The following TSPOAP1 variants were observed in gnomAD, a reference collection of about 807,000 sequenced individuals.
TSPOAP1 encodes the protein peripheral-type benzodiazepine receptor-associated protein 1.
A neutral mutation model predicts 197.0 loss-of-function variants in TSPOAP1; 87 were observed. That is an observed-to-expected ratio of 0.44 (90% confidence interval 0.37 to 0.53). The LOEUF (loss-of-function observed/expected upper bound fraction) is 0.53, where lower values mean the gene tolerates loss of function less well. Ranked by LOEUF, TSPOAP1 falls within the 20% of genes least tolerant of loss-of-function variation. TSPOAP1 has a pLI of 0.00. For missense variants in TSPOAP1, 2,174 were observed against 2,411.3 expected, an observed-to-expected ratio of 0.90 and a Z score of 2.06; for synonymous variants, 913 against 998.9, an observed-to-expected ratio of 0.91 and a Z score of 1.62.
chr17:58,317,652 T>C (rs1315216977), intron 14 of TSPOAP1, among the ~76,000 whole-genome samples: 1 of 152,184 alleles, frequency 6.6e-6, no homozygotes, highest in Non-Finnish European at 1.5e-5. Context: ...CTCCTCCACC[T>C]TCTGGGGTTT....
Position 58,305,452 on chromosome 17 carries a change from G to C in TSPOAP1, c.5368C>G (p.Leu1790Val), listed in dbSNP as rs1567837724. 6.2e-7 allele frequency: 1 copy of C among 1,613,976 alleles called. No individual in the cohort carries two copies. The highest frequency in any genetic ancestry group is 8.5e-7 in the Non-Finnish European group (1 of 1,179,922). Residue 1790 changes from leucine (L) to valine (V), a missense_variant, in exon 29 of 32, where the codon CTG (leucine) becomes GTG (valine). Coordinates refer to ENST00000343736, the MANE Select transcript of TSPOAP1 (RefSeq NM_004758.4). ...SSPNMDVEAELPFRAGDVITV... is the reference protein window; with the variant it reads ...SSPNMDVEAEVPFRAGDVITV... The stretch of plus-strand genomic sequence containing the variant: ...ATGACATCCCCTGCCCGGAAGGGCA[G>C]CTCTGCCTGTGGAAAACAAGAGGAG...
Position 58,310,678 on chromosome 17 carries a change from T to A in TSPOAP1, c.3533A>T (p.Asp1178Val), listed in dbSNP as rs1397002120. The change falls in exon 20 of 32, where the codon GAC becomes GTC. Residue 1178 changes from aspartate (D) to valine (V), a missense_variant. Around this residue, in one of 5 missense-constraint regions of TSPOAP1, gnomAD observed 1,933 missense variants for 2,139.0 expected, o/e 0.90. Transcript: ENST00000343736. Reference sequence around the variant, plus strand: ...CAGTGAGGGAGCTGCGGGGCCAGGGTCCTTCTCACCCAGGGTAGATGTGCT... The same window carrying A: ...CAGTGAGGGAGCTGCGGGGCCAGGGACCTTCTCACCCAGGGTAGATGTGCT... ...TASTSTLGEK[D>V]PGPAAPSLAK... is the part of the protein sequence containing the mutation. The A allele has an allele frequency of 3.7e-6, 6 of 1,612,738 alleles. No homozygotes were observed. Among genetic ancestry groups the A allele is most frequent in the Non-Finnish European group, 5.1e-6 (6 of 1,179,882 alleles).
chr17:58,310,409 G>C (rs889808438), intron 20 of TSPOAP1, 103 bp downstream of exon 20: 4 of 1,520,644 alleles, frequency 2.6e-6, no homozygotes, highest in African/African-American at 1.4e-5. Context: ...AGCAGGACCA[G>C]AGCAGAGGAC....
Position 58,308,983 on chromosome 17 carries a change from C to A in TSPOAP1, c.4289G>T (p.Arg1430Leu), listed in dbSNP as rs1475598520. The A allele has an allele frequency of 6.2e-7, 1 of 1,611,346 alleles. No homozygotes were observed. Among genetic ancestry groups the A allele is most frequent in the South Asian group, 1.1e-5 (1 of 90,974 alleles). Residue 1430 changes from arginine to leucine, a missense_variant, in exon 22 of 32, where the codon CGA becomes CTA. Arg to Leu is a moderately radical substitution (Grantham distance 102). This residue lies in a region of TSPOAP1 where 1,933 missense variants were observed against 2,139.0 expected (regional missense o/e 0.90). Coordinates refer to ENST00000343736, the MANE Select transcript of TSPOAP1 (RefSeq NM_004758.4). ...RPPDPREHCS[R>L]LLSNNGPQAS... Reference sequence around the variant, plus strand: ...CTGGGGCCCATTGTTGCTGAGAAGTCGGCTGCAGTGTTCTCGGGGATCTGG... The same window carrying A: ...CTGGGGCCCATTGTTGCTGAGAAGTAGGCTGCAGTGTTCTCGGGGATCTGG...
rs1421641224 is a variant in TSPOAP1, at chr17:58,322,193, C to T, written c.1422+115G>A. On this transcript the variant is annotated intron_variant, in intron 10 of 31. Coordinates refer to ENST00000343736, the MANE Select transcript of TSPOAP1 (RefSeq NM_004758.4). This position sits in a 1 kb window ranked among gnomAD's most constrained non-coding sequence, Gnocchi z 5.0. The stretch of plus-strand genomic sequence containing the variant: ...TGCTCAGGGACCTGGTCTTTGTTCC[C>T]CACAGTCTCCCCGACGCCTAGCACA... The T allele has an allele frequency of 8.4e-6, 9 of 1,068,246 alleles. No individual in the cohort carries two copies. Among genetic ancestry groups the T allele is most frequent in the Non-Finnish European group, 1.4e-6 (1 of 734,332 alleles). 66.2% of individuals were successfully genotyped at this position (1,068,246 alleles called of 1,614,324 possible).
Position 58,327,887 on chromosome 17 carries a change from C to T in TSPOAP1, c.34G>A (p.Asp12Asn), listed in dbSNP as rs771893761. 7 of 1,605,648 alleles carry T rather than the reference C, an allele frequency of 4.4e-6. No individual in the cohort carries two copies. The highest frequency in any genetic ancestry group is 6.0e-6 in the Non-Finnish European group (7 of 1,173,682). ...EQLTTLPRPG[D>N]PGAMEPWALP... ...GCCCATGGCTCCATGGCTCCAGGGT[C>T]CCCAGGCCGTGGGAGGGTTGTCAGT... is the stretch of plus-strand genomic sequence containing the variant. The change falls in exon 1 of 32, where the codon GAC (aspartate) becomes AAC (asparagine). Residue 12 changes from aspartate (D) to asparagine (N), a missense_variant. By Grantham distance (23) the Asp-to-Asn change is conservative. Transcript: ENST00000343736.
chr17:58,303,612 G>A (rs977120386), intron 31 of TSPOAP1: 2 of 152,206 alleles, frequency 1.3e-5, no homozygotes, highest in African/African-American at 4.8e-5. Flanking sequence ...ATAATGGTTT[G>A]GGGTTATTTA....
chr17:58,301,612 T>C lies in TSPOAP1; in HGVS notation c.*868A>G, dbSNP rs1970725040. 6.6e-6 allele frequency: 1 copy of C among 152,650 alleles called. No homozygotes were observed. The highest frequency in any genetic ancestry group is 2.1e-4 in the South Asian group (1 of 4,828). The allele number at this position is 152,650 out of a possible 1,614,324, so 9.5% of individuals were successfully genotyped here. ...CCCAGGGTCTTTGGGGGCGGGACCT[T>C]ACAGGGGCCAGCAGGCCCCGGCAGG... On this transcript the variant is annotated 3_prime_UTR_variant, in exon 32 of 32. Transcript: ENST00000343736.
At position 58,306,356 on chromosome 17, in the gene TSPOAP1, C is replaced by A; in HGVS notation, c.5210G>T (p.Arg1737Leu). ...AHTTGPPPKP[R>L]RSKKAESEGP... ...GTCTTACCCACCTTTCTTGGAGCGG[C>A]GGGGCTTGGGAGGAGGCCCAGTTGT... The change falls in exon 26 of 32, where the codon CGC becomes CTC. Residue 1737 changes from arginine to leucine, a missense_variant. By Grantham distance (102) the Arg-to-Leu change is moderately radical (BLOSUM62 -2). This residue lies in a region of TSPOAP1 where 161 missense variants were observed against 159.1 expected (regional missense o/e 1.01). Transcript: ENST00000343736. The A allele has an allele frequency of 1.9e-6, 3 of 1,554,540 alleles. No individual in the cohort carries two copies. Among genetic ancestry groups the A allele is most frequent in the South Asian group, 2.4e-5 (2 of 84,226 alleles).
At chr17:58,323,649 C>G (rs778481774) in intron 5 of TSPOAP1, 104 bp from the exon 6 acceptor site, 135 of 1,199,716 alleles carry the variant, frequency 1.1e-4, no homozygotes, top group Non-Finnish European at 1.6e-4. Context: ...CATCATTCAG[C>G]CAGCAAGAGA....
Position 58,305,389 on chromosome 17 carries a change from A to C in TSPOAP1, c.5431T>G (p.Tyr1811Asp), listed in dbSNP as rs766946300. ...ACCCTCCCCAACAATGTTCTCACATAGTAGAAACCGTCATCGTCCATGCCC... is the reference window on the plus strand; with the variant it reads ...ACCCTCCCCAACAATGTTCTCACATCGTAGAAACCGTCATCGTCCATGCCC... ...FGGMDDDGFY[Y>D]GELNGQRGLV... Residue 1811 changes from tyrosine (Y) to aspartate (D), a missense_variant and splice_region_variant, in exon 29 of 32, where the codon TAT (tyrosine) becomes GAT (aspartate). Tyr to Asp is a radical substitution (Grantham distance 160). Coordinates refer to ENST00000343736, the MANE Select transcript of TSPOAP1 (RefSeq NM_004758.4). 1.2e-6 allele frequency: 2 copies of C among 1,613,876 alleles called. No individual in the cohort carries two copies. Among genetic ancestry groups the C allele is most frequent in the Non-Finnish European group, 1.7e-6 (2 of 1,179,854 alleles).
chr17:58,323,948 C>T (rs1200495570), intron 5 of TSPOAP1, among the ~76,000 whole-genome samples: 1 of 152,082 alleles, frequency 6.6e-6, no homozygotes, highest in East Asian at 1.9e-4. Context: ...TGTGGTGTTC[C>T]CCAAGATAGG....
At position 58,312,443 on chromosome 17, in the gene TSPOAP1, T is replaced by C. The variant is rs1971103487; in HGVS notation, c.2378A>G (p.Tyr793Cys). The C allele has an allele frequency of 6.2e-7, 1 of 1,612,686 alleles. No homozygotes were observed. The highest frequency in any genetic ancestry group is 2.2e-5 in the East Asian group (1 of 44,870). Residue 793 changes from tyrosine to cysteine, a missense_variant, in exon 17 of 32, where the codon TAC becomes TGC. Tyr to Cys is a radical substitution (Grantham distance 194). Coordinates refer to ENST00000343736, the MANE Select transcript of TSPOAP1 (RefSeq NM_004758.4). The stretch of plus-strand genomic sequence containing the variant: ...CTTGAGGACCACCAGACGGCGGGGG[T>C]AAGGCACGGCAGGAGGCTCGCCCAG... ...EGLGEPPAVP[Y>C]PRRLVVLKQL...
chr17:58,326,865 T>A lies in TSPOAP1; in HGVS notation c.334-75A>T. ...AGCCAGAGCCTTCCCTGTGGAAGCA[T>A]CCACCATCCATGGTCCAAGGAGACA... On this transcript the variant is annotated intron_variant, in intron 1 of 31. Coordinates refer to ENST00000343736, the MANE Select transcript of TSPOAP1 (RefSeq NM_004758.4). This position sits in a 1 kb window ranked among gnomAD's most constrained non-coding sequence, Gnocchi z 4.7. 1 of 1,241,818 alleles carries A rather than the reference T, an allele frequency of 8.1e-7. No individual in the cohort carries two copies. Among genetic ancestry groups the A allele is most frequent in the Non-Finnish European group, 1.2e-6 (1 of 846,356 alleles). The allele number at this position is 1,241,818 out of a possible 1,614,324, so 76.9% of individuals were successfully genotyped here. A position where few individuals can be genotyped will look rare whatever the true frequency, so the allele number is the denominator to read the frequency against.
chr17:58,326,466 A>C lies in TSPOAP1; in HGVS notation c.442-45T>G. The C allele has an allele frequency of 6.2e-7, 1 of 1,607,402 alleles. No homozygotes were observed. Among genetic ancestry groups the C allele is most frequent in the South Asian group, 1.1e-5 (1 of 90,492 alleles). On this transcript the variant is annotated intron_variant, in intron 2 of 31. Transcript: ENST00000343736. The surrounding 1 kb of genome is among the most constrained non-coding windows in gnomAD (Gnocchi z 4.7). Reference sequence around the variant, plus strand: ...AATTGGGGCATGTAGGGAGCACCCCACAGACCCAGTCCTAACAGCCCAAGT... The same window carrying C: ...AATTGGGGCATGTAGGGAGCACCCCCCAGACCCAGTCCTAACAGCCCAAGT...
In TSPOAP1 at chr17:58,322,529, C is replaced by A; in HGVS notation, c.1318-117G>T. On this transcript the variant is annotated intron_variant, in intron 9 of 31. Transcript: ENST00000343736. The surrounding 1 kb of genome is among the most constrained non-coding windows in gnomAD (Gnocchi z 5.0). ...CCAGATTCCTCTATTACAAAGGAAA[C>A]TGAGCCTGGAGCAGCTCCAGGCCCA... The A allele has an allele frequency of 1.3e-6, 2 of 1,548,838 alleles. No individual in the cohort carries two copies. Among genetic ancestry groups the A allele is most frequent in the South Asian group, 1.2e-5 (1 of 84,632 alleles).
At position 58,325,587 on chromosome 17, in the gene TSPOAP1, C is replaced by G; in HGVS notation, c.697G>C (p.Ala233Pro). The G allele has an allele frequency of 6.2e-7, 1 of 1,613,468 alleles. No individual in the cohort carries two copies. Among genetic ancestry groups the G allele is most frequent in the South Asian group, 1.1e-5 (1 of 91,068 alleles). Residue 233 changes from alanine (A) to proline (P), a missense_variant, in exon 4 of 32, where the codon GCC (alanine) becomes CCC (proline). This residue lies in a region of TSPOAP1 where 1,933 missense variants were observed against 2,139.0 expected (regional missense o/e 0.90). Transcript: ENST00000343736. Reference sequence around the variant, plus strand: ...AGCTCCCTGCACTCCCGCTGCAAGGCAGCAATCTGCTTGTCCTTGGCCAGC... The same window carrying G: ...AGCTCCCTGCACTCCCGCTGCAAGGGAGCAATCTGCTTGTCCTTGGCCAGC... ...ALLAKDKQIA[A>P]LQRECRELQA...
intron 11 of TSPOAP1, 125 bp from the exon 12 acceptor site, chr17:58,320,254 G>T: frequency 8.3e-7 from 1 of 1,206,244 alleles, no homozygotes; most frequent in Non-Finnish European, 1.2e-6. Flanking sequence ...GGACTGACTA[G>T]CAGTTCCTAA....
At chr17:58,312,826 T>A in intron 16 of TSPOAP1, 104 bp from the exon 17 acceptor site, 1 of 807,802 alleles carries the variant, frequency 1.2e-6, no homozygotes, top group South Asian at 1.8e-5. Flanking sequence ...GTGGGTGATC[T>A]TCAGCATTTG....
Sources: gnomAD v4.1 joint callset for allele counts (sites outside exome capture counted in the v4.1 genomes callset) on GRCh38, gnomAD v4.1.1 for gene constraint, gnomAD v4.1.1 regional missense constraint, Gnocchi (gnomAD v3.1) non-coding constraint, MANE v1.5 for transcripts, NCBI Gene and HGNC (gene_info 2026-07-23, HGNC 2026-07-21) for gene names.